Variants in HMGA2 observed in about 807,000 individuals in gnomAD.
HMGA2 encodes the protein high mobility group protein HMGI-C.
In HMGA2, 8 loss-of-function variants were observed where a neutral mutation model predicts 19.1. That is an observed-to-expected ratio of 0.42 (90% CI 0.25 to 0.76). The LOEUF (loss-of-function observed/expected upper bound fraction) is 0.76, where lower values mean the gene tolerates loss of function less well. HMGA2 is among the 30% of genes least tolerant of loss of function. The probability of loss-of-function intolerance (pLI) is 0.28; values close to 1 mark genes in which losing one functional copy is unlikely to be tolerated. For missense variants in HMGA2, 109 were observed against 136.3 expected, an observed-to-expected ratio of 0.80 and a Z score of 1.00; for synonymous variants, 60 against 48.8, an observed-to-expected ratio of 1.23 and a Z score of -0.96.
Position 65,825,512 on chromosome 12 carries a change from G to C in HMGA2, c.111+131G>C, listed in dbSNP as rs867997883. 14 of 441,750 alleles carry C rather than the reference G, an allele frequency of 3.2e-5. No homozygotes were observed. The highest frequency in any genetic ancestry group is 1.0e-4 in the Admixed American group (2 of 19,066). The allele number at this position is 441,750 out of a possible 1,614,324, so 27.4% of individuals were successfully genotyped here. ...TCGCACACTGCCCGCCGGCCGGCCGGGGGGAGCGGCGCAGACCCCACGAGT... is the reference window on the plus strand; with the variant it reads ...TCGCACACTGCCCGCCGGCCGGCCGCGGGGAGCGGCGCAGACCCCACGAGT... On this transcript the variant is annotated intron_variant, in intron 1 of 4. Coordinates refer to ENST00000403681, the MANE Select transcript of HMGA2 (RefSeq NM_003483.6). The surrounding 1 kb of genome is among the most constrained non-coding windows in gnomAD (Gnocchi z 4.4).
intron 3 of HMGA2, among the ~76,000 whole-genome samples, chr12:65,938,208 A>C (rs1875962628): frequency 1.3e-5 from 2 of 152,208 alleles, no homozygotes; most frequent in African/African-American, 4.8e-5. Flanking sequence ...TGTCAACTGG[A>C]AGAGCAGAAA....
intron 3 of HMGA2, among the ~76,000 whole-genome samples, chr12:65,907,975 C>T (rs1874676230): frequency 6.6e-6 from 1 of 152,140 alleles, no homozygotes; most frequent in African/African-American, 2.4e-5. Flanking sequence ...TCTCTTTTTA[C>T]ACTTAATTAC....
At chr12:65,938,109 C>A (rs554595870) in intron 3 of HMGA2, among the ~76,000 whole-genome samples, 2 of 152,258 alleles carry the variant, frequency 1.3e-5, no homozygotes, top group South Asian at 4.1e-4. Flanking sequence ...CCTGCTGGAC[C>A]TTGACATTTC....
At chr12:65,853,101 G>A (rs550762915) in intron 3 of HMGA2, among the ~76,000 whole-genome samples, 22 of 152,284 alleles carry the variant, frequency 1.4e-4, no homozygotes, top group African/African-American at 4.1e-4. Flanking sequence ...GAAGGTTGCC[G>A]ACTGACGTGT....
chr12:65,854,312 C>A (rs530150473), intron 3 of HMGA2, among the ~76,000 whole-genome samples: 2 of 152,184 alleles, frequency 1.3e-5, no homozygotes, highest in Non-Finnish European at 2.9e-5. Context: ...TTCTTTCGTG[C>A]CCTTTCTCTG....
intron 2 of HMGA2, among the ~76,000 whole-genome samples, chr12:65,835,163 T>C (rs916777897): frequency 5.3e-5 from 8 of 152,224 alleles, no homozygotes; most frequent in Non-Finnish European, 1.0e-4. Flanking sequence ...AAACCAAATA[T>C]ACACTTCTAC....
intron 3 of HMGA2, among the ~76,000 whole-genome samples, chr12:65,874,702 T>C (rs981128140): frequency 1.3e-5 from 2 of 150,982 alleles, no homozygotes; most frequent in Admixed American, 1.3e-4. Context: ...TTTAAAAAAA[T>C]AAAGTAATGG....
intron 3 of HMGA2, among the ~76,000 whole-genome samples, chr12:65,918,092 T>TCTTGTGAAATGCCCTTGTGAAATG (rs1875174339): frequency 6.6e-6 from 1 of 152,196 alleles, no homozygotes; most frequent in African/African-American, 2.4e-5. Context: ...TCAAAGACCC[T>TCTTGTGAAATGCCCTTGTGAAATG]CTTGTGAAAT....
At chr12:65,925,922 C>T (rs957843312) in intron 3 of HMGA2, among the ~76,000 whole-genome samples, 7 of 152,124 alleles carry the variant, frequency 4.6e-5, no homozygotes, top group Non-Finnish European at 1.0e-4. Context: ...AGAATGACTG[C>T]TTCTGTTGTA....
At chr12:65,913,365 G>A (rs12303684) in intron 3 of HMGA2, among the ~76,000 whole-genome samples, 1 of 152,128 alleles carries the variant, frequency 6.6e-6, no homozygotes, top group Non-Finnish European at 1.5e-5. Flanking sequence ...AGATCCCCCA[G>A]TCTTCCTCAG....
At chr12:65,953,350 T>C (rs927993067) in intron 4 of HMGA2, 2 of 152,192 alleles carry the variant, frequency 1.3e-5, no homozygotes, top group African/African-American at 2.4e-5. Flanking sequence ...CCTCAGGTTA[T>C]CAAGGGGATG....
At chr12:65,838,484 T>G (rs1430337657) in intron 2 of HMGA2, 35 bp from the exon 3 acceptor site, 3 of 1,559,374 alleles carry the variant, frequency 1.9e-6, no homozygotes, top group African/African-American at 1.4e-5. Flanking sequence ...CAATGTCAGG[T>G]AGAAAACTAT....
intron 3 of HMGA2, among the ~76,000 whole-genome samples, chr12:65,947,003 GC>G (rs1223722941): frequency 2.0e-5 from 3 of 152,124 alleles, no homozygotes; most frequent in Non-Finnish European, 4.4e-5. Context: ...TTGTGGCTGA[GC>G]TAGTCCATTC....
intron 3 of HMGA2, among the ~76,000 whole-genome samples, chr12:65,841,704 TC>T (rs1253383894): frequency 1.3e-5 from 2 of 152,248 alleles, no homozygotes; most frequent in Non-Finnish European, 2.9e-5. Context: ...GCCAAATTGT[TC>T]CCCTTTTATT....
intron 3 of HMGA2, among the ~76,000 whole-genome samples, chr12:65,861,003 A>G (rs1872031391): frequency 6.6e-6 from 1 of 152,230 alleles, no homozygotes; most frequent in African/African-American, 2.4e-5. Flanking sequence ...GCAGAACTGG[A>G]AAAAGATGTG....
At chr12:65,897,582 C>G (rs1019274486) in intron 3 of HMGA2, among the ~76,000 whole-genome samples, 1 of 152,142 alleles carries the variant, frequency 6.6e-6, no homozygotes, top group Non-Finnish European at 1.5e-5. Context: ...AGTGAGCAAG[C>G]ATGCAGAGCA....
At chr12:65,899,206 G>A (rs956884027) in intron 3 of HMGA2, among the ~76,000 whole-genome samples, 1 of 152,124 alleles carries the variant, frequency 6.6e-6, no homozygotes, top group Admixed American at 6.5e-5. Context: ...TCGTGCTTCC[G>A]AACAGATGAA....
At chr12:65,853,381 G>A (rs1353028707) in intron 3 of HMGA2, among the ~76,000 whole-genome samples, 1 of 152,100 alleles carries the variant, frequency 6.6e-6, no homozygotes, top group Non-Finnish European at 1.5e-5. Flanking sequence ...TATTTGTACT[G>A]TATTAATCTT....
intron 3 of HMGA2, among the ~76,000 whole-genome samples, chr12:65,912,848 G>A (rs1174804703): frequency 6.6e-6 from 1 of 152,008 alleles, no homozygotes; most frequent in African/African-American, 2.4e-5. Context: ...TGCCAAATGG[G>A]GCATTTTAGT....
Sources: gnomAD v4.1 joint callset for allele counts (sites outside exome capture counted in the v4.1 genomes callset) on GRCh38, gnomAD v4.1.1 for gene constraint, Gnocchi (gnomAD v3.1) non-coding constraint, MANE v1.5 for transcripts, NCBI Gene and HGNC (gene_info 2026-07-23, HGNC 2026-07-21) for gene names.